The following ABCA9 variants were observed in gnomAD, a reference collection of about 807,000 sequenced individuals.
ABCA9 encodes ATP binding cassette subfamily A member 9.
In ABCA9, 183 loss-of-function variants were observed where a neutral mutation model predicts 205.3. That is an observed-to-expected ratio of 0.89 (90% confidence interval 0.79 to 1.01). The LOEUF (loss-of-function observed/expected upper bound fraction) is 1.01. Ranked by LOEUF, ABCA9 falls within the 50% of genes least tolerant of loss-of-function variation. The pLI, the probability that ABCA9 is intolerant of heterozygous loss-of-function variation, is 0.00. For synonymous variants in ABCA9, 651 were observed against 683.3 expected (o/e 0.95, Z 0.74); for missense variants, 1,805 against 1,912.4 (o/e 0.94, Z 1.05).
chr17:69,008,728 C>G (rs987134027), intron 23 of ABCA9, among the ~76,000 whole-genome samples: 1 of 152,152 alleles, frequency 6.6e-6, no homozygotes, highest in Non-Finnish European at 1.5e-5. Context: ...GCAAGACTGC[C>G]TTTAAAATGT....
chr17:69,017,747 TTC>T lies in ABCA9; in HGVS notation c.2808_2809del (p.Asn937HisfsTer11), dbSNP rs1399370755. 6.2e-7 allele frequency: 1 copy of T among 1,613,476 alleles called. No homozygotes were observed. The highest frequency in any genetic ancestry group is 1.1e-5 in the South Asian group (1 of 91,048). Reference sequence around the variant, plus strand: ...AAAGGCATCCACTTCTATAGCTATGTTCTGTCGCCTCAGTGAATGTAAAAAGT... The same window carrying T: ...AAAGGCATCCACTTCTATAGCTATGTTGTCGCCTCAGTGAATGTAAAAAGT... On this transcript the variant is annotated frameshift_variant, in exon 21 of 39. Transcript: ENST00000340001. LOFTEE classifies it high-confidence loss of function.
chr17:69,026,610 T>C (rs1382473249), intron 15 of ABCA9, 143 bp from the exon 16 acceptor site: 6 of 675,166 alleles, frequency 8.9e-6, no homozygotes, highest in Non-Finnish European at 1.4e-5. Flanking sequence ...CGTAAACCAC[T>C]TTTTTTTGTC....
rs905606985 is a variant in ABCA9 at position 69,043,560 on chromosome 17, G to A, written c.729C>T (p.Val243=). ...SFSTFIYYVS[V]NVTQERQYIT... is the part of the protein sequence containing the mutation. ...TGTATTGTCTTTCTTGTGTAACATT[G>A]ACTGATACATAGTATATAAATGTAG... Residue 243 remains valine, a synonymous_variant, in exon 6 of 39, where the codon GTC becomes GTT. Coordinates refer to ENST00000340001, the MANE Select transcript of ABCA9 (RefSeq NM_080283.4). 1.9e-6 allele frequency: 3 copies of A among 1,610,962 alleles called. No homozygotes were observed. The highest frequency in any genetic ancestry group is 1.7e-5 in the Admixed American group (1 of 59,614).
Position 68,990,820 on chromosome 17 carries a change from A to G in ABCA9, c.3837+17T>C. ...CAGAAAAAAAAATAGTTGACGAAGAACATTTCTGAGTTCTACCTCATCAAA... is the reference window on the plus strand; with the variant it reads ...CAGAAAAAAAAATAGTTGACGAAGAGCATTTCTGAGTTCTACCTCATCAAA... On this transcript the variant is annotated intron_variant, in intron 29 of 38. Coordinates refer to ENST00000340001, the MANE Select transcript of ABCA9 (RefSeq NM_080283.4). 1 of 1,597,268 alleles carries G rather than the reference A, an allele frequency of 6.3e-7. No individual in the cohort carries two copies. Among genetic ancestry groups the G allele is most frequent in the Non-Finnish European group, 8.5e-7 (1 of 1,176,226 alleles).
intron 35 of ABCA9, 102 bp downstream of exon 35, chr17:68,983,953 CA>C: frequency 6.2e-7 from 1 of 1,600,352 alleles, no homozygotes; most frequent in Non-Finnish European, 8.5e-7. Context: ...GAGTTGGAAG[CA>C]ACCATGCTAG....
upstream of ABCA9, chr17:69,061,120 C>T: frequency 1.0e-6 from 1 of 985,330 alleles, no homozygotes; most frequent in Non-Finnish European, 1.2e-6. Flanking sequence ...GCTAGTTACT[C>T]AGCAGGGAGT....
intron 22 of ABCA9, among the ~76,000 whole-genome samples, chr17:69,013,654 G>GTGAC (rs1170886503): frequency 6.6e-6 from 1 of 152,146 alleles, no homozygotes; most frequent in Non-Finnish European, 1.5e-5. Flanking sequence ...AGAGTTTGAT[G>GTGAC]TGACTCAGCC....
chr17:69,026,550 A>G, intron 15 of ABCA9, 83 bp from the exon 16 acceptor site: 1 of 1,231,474 alleles, frequency 8.1e-7, no homozygotes, highest in Non-Finnish European at 1.2e-6. Flanking sequence ...TTAACAATGT[A>G]TTGTAGCAGC....
At position 69,049,281 on chromosome 17, in the gene ABCA9, AC is replaced by A. The variant is rs777995412; in HGVS notation, c.304+1del. The A allele has an allele frequency of 6.2e-7, 1 of 1,606,964 alleles. No homozygotes were observed. The highest frequency in any genetic ancestry group is 8.5e-7 in the Non-Finnish European group (1 of 1,175,298). ...ATTACTATGAACAACCAGGGAACATACCTTTTAGGAATGGGGCTGAAGCCAC... is the reference window on the plus strand; with the variant it reads ...ATTACTATGAACAACCAGGGAACATACTTTTAGGAATGGGGCTGAAGCCAC... On this transcript the variant is annotated splice_donor_variant, in intron 3 of 38. Transcript: ENST00000340001. LOFTEE classifies it high-confidence loss of function.
At chr17:69,067,561 GAA>G in the ABCA9 span, among the ~76,000 whole-genome samples, 1 of 76,474 alleles carries the variant, frequency 1.3e-5, no homozygotes. Context: ...TGAGACCTTG[GAA>G]AAAAAAAAAA....
Position 68,975,315 on chromosome 17 carries a change from C to A in ABCA9, c.*600G>T, listed in dbSNP as rs937861141. On this transcript the variant is annotated 3_prime_UTR_variant, in exon 39 of 39. Coordinates refer to ENST00000340001, the MANE Select transcript of ABCA9 (RefSeq NM_080283.4). ...TGTAAACAGTGCTGCAATAAACATA[C>A]GTGTGCATGTGTCTTTATAGTAGAA... The A allele has an allele frequency of 6.6e-6, 1 of 152,420 alleles. No individual in the cohort carries two copies. Among genetic ancestry groups the A allele is most frequent in the African/African-American group, 2.4e-5 (1 of 41,410 alleles). 9.4% of individuals were successfully genotyped at this position (152,420 alleles called of 1,614,324 possible).
At chr17:68,995,769 C>T in intron 26 of ABCA9, 126 bp downstream of exon 26, 1 of 1,276,238 alleles carries the variant, frequency 7.8e-7, no homozygotes, top group Non-Finnish European at 1.1e-6. Context: ...AGAGAACTGA[C>T]TTTCCAAAGA....
chr17:68,986,629 ATAGATACT>A (rs554627860), intron 31 of ABCA9: 40 of 244,770 alleles, frequency 1.6e-4, no homozygotes, highest in Middle Eastern at 1.2e-3. Flanking sequence ...ATTCAAAGGA[ATAGATACT>A]TGTTGAGAAT....
At chr17:69,036,512 C>A (rs547962632) in intron 6 of ABCA9, among the ~76,000 whole-genome samples, 31 of 152,114 alleles carry the variant, frequency 2.0e-4, no homozygotes, top group Admixed American at 1.6e-3. Context: ...GCCTGCCTTT[C>A]AAGAGCTCCT....
At chr17:69,066,667 T>TA in the ABCA9 span, among the ~76,000 whole-genome samples, 156 of 152,052 alleles carry the variant, frequency 1.0e-3, 6 homozygotes, top group East Asian at 3.9e-4. Context: ...CTGAGAGGAT[T>TA]AAAAAATGTG....
intron 25 of ABCA9, among the ~76,000 whole-genome samples, chr17:68,998,518 A>G (rs2069714624): frequency 6.6e-6 from 1 of 152,194 alleles, no homozygotes; most frequent in Non-Finnish European, 1.5e-5. Context: ...GTTTCATATC[A>G]TAATGAATAT....
chr17:69,052,590 CTG>C (rs2071942718), intron 1 of ABCA9, among the ~76,000 whole-genome samples: 2 of 152,180 alleles, frequency 1.3e-5, no homozygotes, highest in South Asian at 4.1e-4. Context: ...ACCTGTTTCT[CTG>C]TATAAAACAC....
At chr17:69,067,973 A>T in the ABCA9 span, among the ~76,000 whole-genome samples, 14 of 152,332 alleles carry the variant, frequency 9.2e-5, no homozygotes, top group African/African-American at 3.4e-4. Context: ...TTGGCTCCTT[A>T]TCTTATAGGC....
chr17:69,052,397 AAC>A (rs1161708817), intron 1 of ABCA9, among the ~76,000 whole-genome samples: 2 of 152,154 alleles, frequency 1.3e-5, no homozygotes, highest in African/African-American at 4.8e-5. Flanking sequence ...AAAAAATTAT[AAC>A]ACATACTAGA....
Sources: allele counts gnomAD v4.1 joint callset (sites outside exome capture counted in the v4.1 genomes callset), GRCh38; gene constraint gnomAD v4.1.1; transcripts MANE v1.5; gene names NCBI Gene and HGNC (gene_info 2026-07-23, HGNC 2026-07-21).